ATG2B: variants seen among roughly 807,000 people sequenced by gnomAD.
ATG2B encodes the protein autophagy related 2B.
In ATG2B, 121 loss-of-function variants were observed where a neutral mutation model predicts 241.3. The observed-to-expected ratio is 0.50, with a 90% CI of 0.43 to 0.58. ATG2B has a LOEUF of 0.58. ATG2B is among the 20% of genes least tolerant of loss of function. The probability of loss-of-function intolerance (pLI) is 0.00; values close to 1 mark genes in which losing one functional copy is unlikely to be tolerated. For synonymous variants in ATG2B, 858 were observed against 876.6 expected, an observed-to-expected ratio of 0.98 and a Z score of 0.37; for missense variants, 2,306 against 2,491.6, an observed-to-expected ratio of 0.93 and a Z score of 1.59.
At chr14:96,338,235 C>T (rs1887917378) in intron 6 of ATG2B, among the ~76,000 whole-genome samples, 1 of 151,956 alleles carries the variant, frequency 6.6e-6, no homozygotes, top group Non-Finnish European at 1.5e-5. Flanking sequence ...AGGTGAACAG[C>T]TATAGTTAGA....
In ATG2B at chr14:96,317,825, T is replaced by G; in HGVS notation, c.2910A>C (p.Pro970=). ...ATGTCTCCACTGGTGAAGGAGCTGT[T>G]GGTTCCCACAGTAGCAAGTCATTAA... ...RIFNDLLLWE[P]TAPSPVETFE... is the part of the protein sequence containing the mutation. Residue 970 remains proline, a synonymous_variant, in exon 19 of 42, where the codon CCA becomes CCC. Coordinates refer to ENST00000359933, the MANE Select transcript of ATG2B (RefSeq NM_018036.7). The G allele has an allele frequency of 6.2e-7, 1 of 1,612,072 alleles. No homozygotes were observed. The highest frequency in any genetic ancestry group is 8.5e-7 in the Non-Finnish European group (1 of 1,178,774).
chr14:96,283,489 C>G lies in ATG2B; in HGVS notation c.*2266G>C. The G allele has an allele frequency of 6.6e-6, 1 of 152,200 alleles. No homozygotes were observed. Among genetic ancestry groups the G allele is most frequent in the Non-Finnish European group, 1.5e-5 (1 of 68,070 alleles). The allele number at this position is 152,200 out of a possible 1,614,324, so 9.4% of individuals were successfully genotyped here. A position where few individuals can be genotyped will look rare whatever the true frequency, so the allele number is the denominator to read the frequency against. On this transcript the variant is annotated 3_prime_UTR_variant, in exon 42 of 42. Transcript: ENST00000359933. The stretch of plus-strand genomic sequence containing the variant: ...ATGTGATCATTCTCACACGCACACA[C>G]AGCCTAATCATCCAAAACCTCCCTT...
In ATG2B at chr14:96,322,740, T is replaced by G; in HGVS notation, c.2541-5A>C. 2 of 1,607,596 alleles carry G rather than the reference T, an allele frequency of 1.2e-6. No individual in the cohort carries two copies. Among genetic ancestry groups the G allele is most frequent in the Non-Finnish European group, 1.7e-6 (2 of 1,177,550 alleles). Reference sequence around the variant, plus strand: ...GGATTTATTTTCAGTACAATTCTGATAGCAAAGACAATTTTAAAAAGACCA... The same window carrying G: ...GGATTTATTTTCAGTACAATTCTGAGAGCAAAGACAATTTTAAAAAGACCA... On this transcript the variant is annotated splice_region_variant and splice_polypyrimidine_tract_variant and intron_variant, in intron 16 of 41. Coordinates refer to ENST00000359933, the MANE Select transcript of ATG2B (RefSeq NM_018036.7).
chr14:96,305,075 A>G (rs1180614143), intron 31 of ATG2B, among the ~76,000 whole-genome samples: 2 of 152,184 alleles, frequency 1.3e-5, no homozygotes, highest in African/African-American at 4.8e-5. Flanking sequence ...CGCAGCCTCC[A>G]TGCCATGCCC....
At chr14:96,308,245 TATATATACAC>T (rs1247067852) in intron 29 of ATG2B, among the ~76,000 whole-genome samples, 5 of 27,698 alleles carry the variant, frequency 1.8e-4, no homozygotes, top group Admixed American at 3.9e-4. Context: ...TATATATATA[TATATATACAC>T]ACATATATAT....
At position 96,328,541 on chromosome 14, in the gene ATG2B, A is replaced by G. The variant is rs551495190; in HGVS notation, c.1975-6T>C. ...CTAAGTCTTGCTTGATTACCCTTTT[A>G]AAAAAAAAAAAGAAAAGGCATTAAT... On this transcript the variant is annotated splice_region_variant and splice_polypyrimidine_tract_variant and intron_variant, in intron 13 of 41. Coordinates refer to ENST00000359933, the MANE Select transcript of ATG2B (RefSeq NM_018036.7). The G allele has an allele frequency of 2.8e-5, 20 of 726,890 alleles. No homozygotes were observed. The highest frequency in any genetic ancestry group is 3.7e-5 in the Non-Finnish European group (19 of 515,650). The allele number at this position is 726,890 out of a possible 1,614,324, so 45.0% of individuals were successfully genotyped here.
At chr14:96,292,180 G>A in intron 36 of ATG2B, 82 bp from the exon 37 acceptor site, 4 of 847,214 alleles carry the variant, frequency 4.7e-6, no homozygotes, top group East Asian at 2.7e-5. Flanking sequence ...TTGTTCAATT[G>A]GAGAATAAAA....
At chr14:96,311,657 C>T in intron 26 of ATG2B, 39 bp from the exon 27 acceptor site, 2 of 1,398,996 alleles carry the variant, frequency 1.4e-6, no homozygotes, top group Non-Finnish European at 2.0e-6. Context: ...TTCAGTACAG[C>T]TTTCAAAAAT....
At chr14:96,315,691 C>A in intron 21 of ATG2B, 108 bp from the exon 22 acceptor site, 1 of 788,304 alleles carries the variant, frequency 1.3e-6, no homozygotes, top group African/African-American at 1.7e-5. Context: ...CTGAATATAA[C>A]TTAAGGAGGC....
intron 1 of ATG2B, among the ~76,000 whole-genome samples, chr14:96,355,027 T>C (rs1888437138): frequency 6.6e-6 from 1 of 152,372 alleles, no homozygotes; most frequent in South Asian, 2.1e-4. Flanking sequence ...TCCTTACAGA[T>C]GCTGAATTTT....
intron 6 of ATG2B, among the ~76,000 whole-genome samples, chr14:96,335,710 T>C (rs951363264): frequency 2.0e-5 from 3 of 152,082 alleles, no homozygotes. Flanking sequence ...ACTACTGACA[T>C]CCCAAGCCAT....
chr14:96,312,030 T>G (rs1245962685), intron 26 of ATG2B, 59 bp downstream of exon 26: 16 of 1,286,266 alleles, frequency 1.2e-5, no homozygotes, highest in Non-Finnish European at 1.7e-5. Context: ...TGCTTTAAAA[T>G]TATTTACGCA....
Position 96,281,917 on chromosome 14 carries a change from G to A in ATG2B, c.*3838C>T, listed in dbSNP as rs1000169867. The stretch of plus-strand genomic sequence containing the variant: ...TCTCATCCCCAAAGAAGCCTATTAC[G>A]GTAGTGTGTTGGATGCTTTTTGTAT... On this transcript the variant is annotated 3_prime_UTR_variant, in exon 42 of 42. Transcript: ENST00000359933. The A allele has an allele frequency of 6.6e-6, 1 of 152,192 alleles. No individual in the cohort carries two copies. The highest frequency in any genetic ancestry group is 2.1e-4 in the South Asian group (1 of 4,832). The allele number at this position is 152,192 out of a possible 1,614,324, so 9.4% of individuals were successfully genotyped here.
rs182817144 is a variant in ATG2B at position 96,317,006 on chromosome 14, T to G, written c.3210+139A>C. On this transcript the variant is annotated intron_variant, in intron 20 of 41. Coordinates refer to ENST00000359933, the MANE Select transcript of ATG2B (RefSeq NM_018036.7). ...TCCCCAAAGTTGCTATCATCATGGT[T>G]TGCCCCAGGACACTGGTCTTCATCA... The G allele has an allele frequency of 3.0e-5, 25 of 827,034 alleles. No homozygotes were observed. In the African/African-American group the frequency reaches 4.3e-4, roughly 14 times the overall value. The allele number at this position is 827,034 out of a possible 1,614,324, so 51.2% of individuals were successfully genotyped here.
In ATG2B at chr14:96,333,542, C is replaced by T. The variant is rs1432961784; in HGVS notation, c.1207+146G>A. The T allele has an allele frequency of 2.0e-5, 14 of 706,216 alleles. No homozygotes were observed. In the East Asian group the frequency reaches 2.2e-4, roughly 11 times the overall value. The allele number at this position is 706,216 out of a possible 1,614,324, so 43.7% of individuals were successfully genotyped here. ...ACTGTAATGTTGTGATTAGATTAAT[C>T]GTAAATTAAAAGTTGTGGATTTCTT... On this transcript the variant is annotated intron_variant, in intron 8 of 41. Coordinates refer to ENST00000359933, the MANE Select transcript of ATG2B (RefSeq NM_018036.7).
rs1343128174 is a variant in ATG2B, at chr14:96,289,630, A to G, written c.6006+26T>C. On this transcript the variant is annotated intron_variant, in intron 41 of 41. Coordinates refer to ENST00000359933, the MANE Select transcript of ATG2B (RefSeq NM_018036.7). The surrounding 1 kb of genome is among the most constrained non-coding windows in gnomAD (Gnocchi z 4.3). ...TGGGAAAGCGCACAGAAGGGTTCTG[A>G]TGTGTCCACCCAAGTATTCAGTTAC... 1 of 1,613,384 alleles carries G rather than the reference A, an allele frequency of 6.2e-7. No individual in the cohort carries two copies. The highest frequency in any genetic ancestry group is 2.2e-5 in the East Asian group (1 of 44,886).
chr14:96,325,604 GTT>G, intron 15 of ATG2B, 43 bp downstream of exon 15: 2 of 1,546,410 alleles, frequency 1.3e-6, no homozygotes, highest in Non-Finnish European at 1.7e-6. Context: ...AGTAGCAGTT[GTT>G]TGTTATCTAG....
At chr14:96,294,207 A>G (rs1886566867) in intron 36 of ATG2B, among the ~76,000 whole-genome samples, 1 of 152,248 alleles carries the variant, frequency 6.6e-6, no homozygotes, top group Non-Finnish European at 1.5e-5. Flanking sequence ...CTAGAGAGAA[A>G]GAGAGAAATC....
At position 96,289,402 on chromosome 14, in the gene ATG2B, CCT is replaced by C. The variant is rs1886422002; in HGVS notation, c.6006+252_6006+253del. On this transcript the variant is annotated intron_variant, in intron 41 of 41. Coordinates refer to ENST00000359933, the MANE Select transcript of ATG2B (RefSeq NM_018036.7). This position sits in a 1 kb window ranked among gnomAD's most constrained non-coding sequence, Gnocchi z 4.3. ...CACACGGCATTTGTTTCTATCACTC[CCT>C]GAGTGCTTCTGCAGGTGAAGAGAGA... 2 of 372,670 alleles carry C rather than the reference CCT, an allele frequency of 5.4e-6. No individual in the cohort carries two copies. The highest frequency in any genetic ancestry group is 4.2e-5 in the South Asian group (1 of 23,564). The allele number at this position is 372,670 out of a possible 1,614,324, so 23.1% of individuals were successfully genotyped here. A position where few individuals can be genotyped will look rare whatever the true frequency, so the allele number is the denominator to read the frequency against.
Sources: gnomAD v4.1 joint callset for allele counts (sites outside exome capture counted in the v4.1 genomes callset) on GRCh38, gnomAD v4.1.1 for gene constraint, Gnocchi (gnomAD v3.1) non-coding constraint, MANE v1.5 for transcripts, NCBI Gene and HGNC (gene_info 2026-07-23, HGNC 2026-07-21) for gene names.